Variants in CHRDL1 observed in about 807,000 individuals in gnomAD.
CHRDL1 encodes chordin-like protein 1.
CHRDL1 carries 19 observed loss-of-function variants against 40.9 expected under a neutral mutation model. The ratio of observed to expected loss-of-function variants is 0.46; its 90% confidence interval spans 0.32 to 0.68. The LOEUF (loss-of-function observed/expected upper bound fraction) is 0.68, where lower values mean the gene tolerates loss of function less well. Ranked by LOEUF, CHRDL1 falls within the 30% of genes least tolerant of loss-of-function variation. CHRDL1 has a pLI of 0.03. For missense variants in CHRDL1, 329 were observed against 352.1 expected (o/e 0.93, Z 0.53); for synonymous variants, 136 against 123.4 (o/e 1.10, Z -0.68).
intron 2 of CHRDL1, among the ~76,000 whole-genome samples, chrX:110,765,730 C>T (rs912010875): frequency 1.8e-5 from 2 of 111,660 alleles, no homozygotes; most frequent in Non-Finnish European, 3.8e-5. Context: ...ATGAAATAGA[C>T]AGCAACACAG....
chrX:110,695,856 C>A (rs1414361327), intron 7 of CHRDL1, among the ~76,000 whole-genome samples: 2 of 111,995 alleles, frequency 1.8e-5, no homozygotes, highest in Non-Finnish European at 3.8e-5. Context: ...CCTTTTTTAG[C>A]CTTTTGAAAG....
intron 8 of CHRDL1, 27 bp from the exon 9 acceptor site, chrX:110,688,830 TA>T: frequency 8.9e-7 from 1 of 1,126,771 alleles, no homozygotes; most frequent in Non-Finnish European, 1.2e-6. Context: ...AATTAGCAAT[TA>T]AAAGCTAAGG....
At chrX:110,741,076 A>G (rs1027568657) in intron 4 of CHRDL1, among the ~76,000 whole-genome samples, 4 of 111,798 alleles carry the variant, frequency 3.6e-5, no homozygotes, top group Non-Finnish European at 7.5e-5. Context: ...GGGTCTGGAA[A>G]AGAAATCCAA....
chrX:110,689,640 A>C (rs187202736), intron 8 of CHRDL1, among the ~76,000 whole-genome samples: 16 of 13,501 alleles, frequency 1.2e-3, no homozygotes, highest in East Asian at 1.9e-3. Context: ...CTATATATCT[A>C]TATATATCTA....
chrX:110,702,262 T>C (rs1488996604), intron 6 of CHRDL1, among the ~76,000 whole-genome samples: 1 of 111,564 alleles, frequency 9.0e-6, no homozygotes, highest in Non-Finnish European at 1.9e-5. Flanking sequence ...GCTCATGTTA[T>C]TCTTCTTCTG....
Position 110,721,606 on chromosome X carries a change from G to A in CHRDL1, c.302-76C>T, listed in dbSNP as rs1052824683. On this transcript the variant is annotated intron_variant, in intron 4 of 11. Transcript: ENST00000372042. ...AATTTCATAAATCCCAACAGCAGACGGGGCTGTACTACATAGAGGGAGTTT... is the reference window on the plus strand; with the variant it reads ...AATTTCATAAATCCCAACAGCAGACAGGGCTGTACTACATAGAGGGAGTTT... 4.1e-5 allele frequency: 35 copies of A among 855,266 alleles called. No homozygotes were observed. In the East Asian group the frequency reaches 4.7e-4, roughly 11 times the overall value. The allele number at this position is 855,266 out of a possible 1,213,427, so 70.5% of individuals were successfully genotyped here.
intron 2 of CHRDL1, among the ~76,000 whole-genome samples, chrX:110,763,259 C>T (rs2089597112): frequency 9.1e-6 from 1 of 109,429 alleles, no homozygotes; most frequent in African/African-American, 3.3e-5. Flanking sequence ...TATTTGTTGT[C>T]TTTTATCTCT....
At chrX:110,756,339 G>C (rs1444242612) in intron 4 of CHRDL1, among the ~76,000 whole-genome samples, 1 of 111,801 alleles carries the variant, frequency 8.9e-6, no homozygotes, top group Admixed American at 9.5e-5. Context: ...TGGATAGTTT[G>C]GATCCAAATG....
At chrX:110,696,444 C>A (rs2070386879) in intron 7 of CHRDL1, among the ~76,000 whole-genome samples, 1 of 109,875 alleles carries the variant, frequency 9.1e-6, no homozygotes, top group Non-Finnish European at 1.9e-5. Flanking sequence ...GGAGGAGAGG[C>A]AGTTTACTCA....
chrX:110,733,839 C>T (rs1445645958), intron 4 of CHRDL1, among the ~76,000 whole-genome samples: 4 of 99,767 alleles, frequency 4.0e-5, no homozygotes, highest in African/African-American at 1.1e-4. Flanking sequence ...GCCCAGGAGG[C>T]GGAGGTTGCA....
intron 7 of CHRDL1, among the ~76,000 whole-genome samples, chrX:110,696,342 T>C (rs998447591): frequency 1.3e-4 from 14 of 111,023 alleles, no homozygotes; most frequent in African/African-American, 4.0e-4. Flanking sequence ...CCTCAAGAAT[T>C]TTGATCACAG....
chrX:110,693,613 C>G (rs1297318258), intron 8 of CHRDL1, among the ~76,000 whole-genome samples: 1 of 111,159 alleles, frequency 9.0e-6, no homozygotes, highest in Non-Finnish European at 1.9e-5. Flanking sequence ...CCTCGACCTC[C>G]CAAAGTGCTG....
chrX:110,737,091 A>G (rs1334722918), intron 4 of CHRDL1, among the ~76,000 whole-genome samples: 2 of 111,745 alleles, frequency 1.8e-5, no homozygotes, highest in Non-Finnish European at 3.8e-5. Context: ...AGTTATCCCC[A>G]CTATTTCCTC....
At chrX:110,727,072 G>T (rs1253221185) in intron 4 of CHRDL1, among the ~76,000 whole-genome samples, 1 of 112,179 alleles carries the variant, frequency 8.9e-6, no homozygotes, top group Non-Finnish European at 1.9e-5. Context: ...AAATGATAAT[G>T]TATTTAAATA....
intron 2 of CHRDL1, among the ~76,000 whole-genome samples, chrX:110,785,248 T>C (rs936991089): frequency 5.4e-5 from 6 of 111,929 alleles, no homozygotes. Flanking sequence ...CATGGGATGT[T>C]GTCTTTACTA....
At chrX:110,686,424 G>A (rs751207239) in intron 9 of CHRDL1, among the ~76,000 whole-genome samples, 54 of 111,583 alleles carry the variant, frequency 4.8e-4, no homozygotes, top group African/African-American at 1.8e-3. Context: ...GGTAATTTGT[G>A]TAAATATTAG....
At chrX:110,772,360 C>T (rs910701133) in intron 2 of CHRDL1, among the ~76,000 whole-genome samples, 2 of 112,636 alleles carry the variant, frequency 1.8e-5, no homozygotes, top group Non-Finnish European at 3.8e-5. Flanking sequence ...ACTTTTTGGC[C>T]GGGTGTGGTG....
chrX:110,772,199 A>C (rs999775319), intron 2 of CHRDL1, among the ~76,000 whole-genome samples: 1 of 112,659 alleles, frequency 8.9e-6, no homozygotes, highest in African/African-American at 3.2e-5. Context: ...AATATGATTT[A>C]TAGATTCCAT....
chrX:110,790,617 G>A (rs1051565377), intron 2 of CHRDL1, among the ~76,000 whole-genome samples: 17 of 109,859 alleles, frequency 1.5e-4, no homozygotes, highest in Non-Finnish European at 2.1e-4. Flanking sequence ...TGGATATATC[G>A]CATAAAGTGT....
Sources: gnomAD v4.1 joint callset for allele counts (sites outside exome capture counted in the v4.1 genomes callset) on GRCh38, gnomAD v4.1.1 for gene constraint, MANE v1.5 for transcripts, NCBI Gene and HGNC (gene_info 2026-07-23, HGNC 2026-07-21) for gene names.